The following SCHIP1 variants were observed in gnomAD, a reference collection of about 807,000 sequenced individuals.
SCHIP1 encodes schwannomin-interacting protein 1.
In SCHIP1, 8 loss-of-function variants were observed where a neutral mutation model predicts 29.7. The ratio of observed to expected loss-of-function variants is 0.27; its 90% CI spans 0.16 to 0.49. The LOEUF is 0.49. Ranked by LOEUF, SCHIP1 falls within the 20% of genes least tolerant of loss-of-function variation. The pLI, the probability that SCHIP1 is intolerant of heterozygous loss-of-function variation, is 0.99. For synonymous variants in SCHIP1, 76 were observed against 94.9 expected, an observed-to-expected ratio of 0.80 and a Z score of 1.16; for missense variants, 193 against 294.6, an observed-to-expected ratio of 0.66 and a Z score of 2.52.
chr3:159,692,053 G>A, the SCHIP1 span, among the ~76,000 whole-genome samples: 1 of 121,798 alleles, frequency 8.2e-6, no homozygotes, highest in African/African-American at 3.3e-5. Flanking sequence ...ACGGAGTCTC[G>A]CTCTGTCGCC....
chr3:159,418,227 G>C, the SCHIP1 span, among the ~76,000 whole-genome samples: 2 of 152,162 alleles, frequency 1.3e-5, no homozygotes, highest in African/African-American at 4.8e-5. Flanking sequence ...CTCTGATTTA[G>C]TTAATTCATC....
At chr3:159,453,893 C>T in the SCHIP1 span, among the ~76,000 whole-genome samples, 1 of 152,200 alleles carries the variant, frequency 6.6e-6, no homozygotes, top group African/African-American at 2.4e-5. Context: ...CATGCTCCTA[C>T]TCTGCAGTGG....
chr3:159,300,221 A>T, the SCHIP1 span, among the ~76,000 whole-genome samples: 1 of 145,430 alleles, frequency 6.9e-6, no homozygotes, highest in East Asian at 2.0e-4. Context: ...TAAATCCTGG[A>T]CTCAAGGAAT....
At chr3:159,354,576 A>G in the SCHIP1 span, among the ~76,000 whole-genome samples, 2 of 152,220 alleles carry the variant, frequency 1.3e-5, no homozygotes, top group Admixed American at 6.5e-5. Flanking sequence ...TGAAGAATGT[A>G]GAGTGATTAT....
At chr3:159,581,049 TA>T in the SCHIP1 span, among the ~76,000 whole-genome samples, 165 of 152,312 alleles carry the variant, frequency 1.1e-3, no homozygotes, top group African/African-American at 3.8e-3. Flanking sequence ...ACCCCTATTT[TA>T]CAAGTCACAT....
At chr3:159,730,706 A>T in the SCHIP1 span, among the ~76,000 whole-genome samples, 3 of 152,240 alleles carry the variant, frequency 2.0e-5, no homozygotes, top group Admixed American at 1.3e-4. Flanking sequence ...ACTAGTTGAT[A>T]TAAAAGAGAG....
the SCHIP1 span, among the ~76,000 whole-genome samples, chr3:159,488,723 G>A: frequency 6.6e-6 from 1 of 152,172 alleles, no homozygotes; most frequent in Non-Finnish European, 1.5e-5. Flanking sequence ...GCTGCCCCTT[G>A]GCGCCATCAA....
chr3:159,356,410 G>T, the SCHIP1 span, among the ~76,000 whole-genome samples: 5 of 152,072 alleles, frequency 3.3e-5, no homozygotes, highest in African/African-American at 1.2e-4. Context: ...GTTGTGCTCG[G>T]GCTTTGATGG....
chr3:159,385,100 T>G, the SCHIP1 span, among the ~76,000 whole-genome samples: 5 of 152,124 alleles, frequency 3.3e-5, no homozygotes, highest in Non-Finnish European at 7.3e-5. Flanking sequence ...TAATCAGAAA[T>G]AGAGAACTAG....
chr3:159,639,048 C>T, the SCHIP1 span, among the ~76,000 whole-genome samples: 4 of 152,006 alleles, frequency 2.6e-5, no homozygotes, highest in Non-Finnish European at 5.9e-5. Flanking sequence ...TAATTCTCAA[C>T]TGCTTATTAA....
chr3:159,394,538 T>TTGTC, the SCHIP1 span, among the ~76,000 whole-genome samples: 4 of 152,220 alleles, frequency 2.6e-5, no homozygotes, highest in Non-Finnish European at 5.9e-5. Context: ...TTGTTGAATT[T>TTGTC]TGTCAAAGGC....
the SCHIP1 span, among the ~76,000 whole-genome samples, chr3:159,515,911 G>C: frequency 6.6e-6 from 1 of 151,476 alleles, no homozygotes; most frequent in Non-Finnish European, 1.5e-5. Flanking sequence ...AAATAAATAA[G>C]ATAAATGAGA....
At chr3:159,483,578 CAA>C in the SCHIP1 span, among the ~76,000 whole-genome samples, 1 of 152,218 alleles carries the variant, frequency 6.6e-6, no homozygotes, top group African/African-American at 2.4e-5. Flanking sequence ...TCCATAAACT[CAA>C]AGTTTCCAGA....
the SCHIP1 span, among the ~76,000 whole-genome samples, chr3:159,337,642 A>C: frequency 2.0e-5 from 3 of 152,158 alleles, no homozygotes; most frequent in African/African-American, 7.2e-5. Context: ...CTTACAAGGG[A>C]CATGATGTCC....
chr3:159,411,465 T>C, the SCHIP1 span, among the ~76,000 whole-genome samples: 2 of 152,152 alleles, frequency 1.3e-5, no homozygotes, highest in African/African-American at 4.8e-5. Context: ...ATATGGGTGA[T>C]TTCTACCTCA....
At chr3:159,577,393 G>A in the SCHIP1 span, among the ~76,000 whole-genome samples, 1 of 152,164 alleles carries the variant, frequency 6.6e-6, no homozygotes, top group Non-Finnish European at 1.5e-5. Flanking sequence ...CATTTTCTGA[G>A]CACCCAAATG....
chr3:159,807,565 G>T, the SCHIP1 span, among the ~76,000 whole-genome samples: 12 of 152,118 alleles, frequency 7.9e-5, no homozygotes, highest in Non-Finnish European at 1.3e-4. Flanking sequence ...AGTGGGTTTT[G>T]TTTGTTTTGC....
intron 6 of SCHIP1, 120 bp downstream of exon 7, chr3:159,892,310 C>T: frequency 8.7e-7 from 1 of 1,149,840 alleles, no homozygotes; most frequent in Non-Finnish European, 1.3e-6. Context: ...ACTCACCTAG[C>T]CTTTTCTGGT....
chr3:159,836,131 T>G (rs1367332826), upstream of SCHIP1, among the ~76,000 whole-genome samples: 1 of 152,198 alleles, frequency 6.6e-6, no homozygotes, highest in Non-Finnish European at 1.5e-5. Flanking sequence ...GGTCCTCAGT[T>G]AGTATTCGTC....
Sources: gnomAD v4.1 joint callset for allele counts (sites outside exome capture counted in the v4.1 genomes callset) on GRCh38, gnomAD v4.1.1 for gene constraint, MANE v1.5 for transcripts, NCBI Gene and HGNC (gene_info 2026-07-23, HGNC 2026-07-21) for gene names.